The following PLA1A variants were observed in gnomAD, a reference collection of about 807,000 sequenced individuals.
PLA1A encodes the protein phosphatidylserine-specific phospholipase A1alpha.
PLA1A carries 47 observed loss-of-function variants against 49.4 expected under a neutral mutation model. The ratio of observed to expected loss-of-function variants is 0.95; its 90% CI spans 0.75 to 1.21. The LOEUF (loss-of-function observed/expected upper bound fraction) is 1.21. PLA1A is among the 50% of genes most tolerant of loss of function. PLA1A has a pLI of 0.00. For missense variants in PLA1A, 561 were observed against 563.9 expected, an observed-to-expected ratio of 0.99 and a Z score of 0.05; for synonymous variants, 224 against 207.9, an observed-to-expected ratio of 1.08 and a Z score of -0.67.
At chr3:119,625,047 C>A (rs1204053767) in intron 8 of PLA1A, 77 bp from the exon 9 acceptor site, 4 of 842,828 alleles carry the variant, frequency 4.7e-6, no homozygotes, top group Non-Finnish European at 8.1e-6. Context: ...TTCCCAACCA[C>A]ACTGCTGCTC....
In PLA1A at chr3:119,618,118, A is replaced by T; in HGVS notation, c.854A>T (p.Tyr285Phe). Reference sequence around the variant, plus strand: ...CTGATGGCCTTTCCCTGTGCCAGCTACAAGGCCTTCCTTGCTGGACGCTGT... The same window carrying T: ...CTGATGGCCTTTCCCTGTGCCAGCTTCAAGGCCTTCCTTGCTGGACGCTGT... ...CPLMAFPCAS[Y>F]KAFLAGRCLD... Residue 285 changes from tyrosine to phenylalanine, a missense_variant, in exon 7 of 11, where the codon TAC becomes TTC. Physicochemically the swap from Tyr to Phe is conservative, Grantham distance 22. Transcript: ENST00000273371. The T allele has an allele frequency of 6.2e-7, 1 of 1,614,084 alleles. No homozygotes were observed. The highest frequency in any genetic ancestry group is 8.5e-7 in the Non-Finnish European group (1 of 1,179,928).
At chr3:119,608,242 G>GAGAAAGA (rs2082717269) in intron 2 of PLA1A, among the ~76,000 whole-genome samples, 1 of 123,728 alleles carries the variant, frequency 8.1e-6, no homozygotes, top group Non-Finnish European at 1.7e-5. Context: ...GAAAGAAAGA[G>GAGAAAGA]AGAAAGAAAG....
intron 5 of PLA1A, among the ~76,000 whole-genome samples, 179 bp from the exon 6 acceptor site, chr3:119,615,833 A>G: frequency 7.0e-6 from 1 of 142,596 alleles, no homozygotes; most frequent in East Asian, 2.0e-4. Context: ...AGAAAAAAAA[A>G]AGAAAAAGAA....
At chr3:119,619,523 C>A in intron 7 of PLA1A, 40 bp from the exon 8 acceptor site, 1 of 1,408,988 alleles carries the variant, frequency 7.1e-7, no homozygotes. Flanking sequence ...CCTAAGATAG[C>A]CTTCTCAGGA....
chr3:119,605,983 G>A (rs1352669228), intron 1 of PLA1A, among the ~76,000 whole-genome samples: 1 of 152,228 alleles, frequency 6.6e-6, no homozygotes, highest in Non-Finnish European at 1.5e-5. Context: ...AGGACAAGAA[G>A]TGATTAGGTG....
At chr3:119,612,807 A>G (rs548141942) in intron 4 of PLA1A, among the ~76,000 whole-genome samples, 13 of 152,258 alleles carry the variant, frequency 8.5e-5, no homozygotes, top group African/African-American at 2.9e-4. Context: ...TCTTAGAGCC[A>G]GAGAAACTGG....
chr3:119,616,865 T>C (rs1262905908), intron 6 of PLA1A, among the ~76,000 whole-genome samples: 1 of 152,278 alleles, frequency 6.6e-6, no homozygotes, highest in Non-Finnish European at 1.5e-5. Context: ...TTTGGTGGCA[T>C]TTCAATTGAC....
Position 119,608,798 on chromosome 3 carries a change from G to T in PLA1A, c.304G>T (p.Asp102Tyr). The change falls in exon 3 of 11, where the codon GAC (aspartate) becomes TAC (tyrosine). Residue 102 changes from aspartate to tyrosine, a missense_variant. Transcript: ENST00000273371. ...TTTAGGAACAAAGCCTTCCTGGATT[G>T]ACACATTTATTAGAACCCTTCTGCG... Reference protein sequence around the residue: ...RVLGTKPSWIDTFIRTLLRAT... With the variant: ...RVLGTKPSWIYTFIRTLLRAT... The T allele has an allele frequency of 6.2e-7, 1 of 1,614,022 alleles. No homozygotes were observed. Among genetic ancestry groups the T allele is most frequent in the Non-Finnish European group, 8.5e-7 (1 of 1,179,914 alleles).
chr3:119,622,149 G>GGAGGAA (rs1382702046), intron 8 of PLA1A, among the ~76,000 whole-genome samples: 13 of 126,290 alleles, frequency 1.0e-4, no homozygotes, highest in African/African-American at 4.2e-4. Flanking sequence ...AGGAGGAGGA[G>GGAGGAA]GAAGAAGAAG....
At chr3:119,625,091 C>G in intron 8 of PLA1A, 33 bp from the exon 9 acceptor site, 2 of 1,423,626 alleles carry the variant, frequency 1.4e-6, no homozygotes, top group Non-Finnish European at 2.0e-6. Flanking sequence ...CTTCTGCCCT[C>G]TGGCCAGTCT....
chr3:119,617,128 A>G (rs1408047800), intron 6 of PLA1A, among the ~76,000 whole-genome samples: 2 of 152,340 alleles, frequency 1.3e-5, no homozygotes, highest in Non-Finnish European at 2.9e-5. Flanking sequence ...CAGCCAATTT[A>G]TCCAATGTTG....
At position 119,629,615 on chromosome 3, in the gene PLA1A, T is replaced by C; in HGVS notation, c.*147T>C. 1.7e-6 allele frequency: 1 copy of C among 598,380 alleles called. No individual in the cohort carries two copies. The highest frequency in any genetic ancestry group is 3.0e-6 in the Non-Finnish European group (1 of 335,946). The allele number at this position is 598,380 out of a possible 1,614,324, so 37.1% of individuals were successfully genotyped here. On this transcript the variant is annotated 3_prime_UTR_variant, in exon 11 of 11. Transcript: ENST00000273371. ...CTTTCTTATTTTCCTCATAATCAGC[T>C]ACCCTGGAGGGGAGGGAGAACTCAT...
intron 8 of PLA1A, among the ~76,000 whole-genome samples, chr3:119,624,079 G>A (rs1056557863): frequency 1.3e-5 from 2 of 152,168 alleles, no homozygotes; most frequent in Non-Finnish European, 2.9e-5. Flanking sequence ...CTATGACACA[G>A]TACCTGAGAC....
intron 1 of PLA1A, among the ~76,000 whole-genome samples, chr3:119,603,610 A>G (rs2082646165): frequency 6.6e-6 from 1 of 152,120 alleles, no homozygotes; most frequent in Non-Finnish European, 1.5e-5. Flanking sequence ...CCCCACCAAC[A>G]TTTGCATGTA....
rs2082791130 is a variant in PLA1A, at chr3:119,613,043, A to C, written c.589A>C (p.Thr197Pro). 6.2e-7 allele frequency: 1 copy of C among 1,604,872 alleles called. No homozygotes were observed. The highest frequency in any genetic ancestry group is 8.5e-7 in the Non-Finnish European group (1 of 1,175,234). ...CCTGGACCCCGCTGGACCTGAGTAC[A>C]CCAGGGCCAGTGTGGAAGAGCGCTT... ...TGLDPAGPEY[T>P]RASVEERLDA... Residue 197 changes from threonine to proline, a missense_variant, in exon 5 of 11, where the codon ACC becomes CCC. Coordinates refer to ENST00000273371, the MANE Select transcript of PLA1A (RefSeq NM_015900.4).
intron 9 of PLA1A, among the ~76,000 whole-genome samples, chr3:119,627,827 T>C (rs1462207449): frequency 6.6e-6 from 1 of 151,452 alleles, no homozygotes; most frequent in Non-Finnish European, 1.5e-5. Context: ...TGCCTTGCAC[T>C]CAGCGTGAAG....
At chr3:119,608,224 AAGAG>A (rs1393643729) in intron 2 of PLA1A, among the ~76,000 whole-genome samples, 3 of 36,450 alleles carry the variant, frequency 8.2e-5, no homozygotes, top group African/African-American at 3.4e-4. Context: ...GAAAGAAAGA[AAGAG>A]AGAGAAAGAA....
At chr3:119,626,848 C>A (rs2052544907) in intron 9 of PLA1A, among the ~76,000 whole-genome samples, 1 of 152,174 alleles carries the variant, frequency 6.6e-6, no homozygotes, top group Admixed American at 6.5e-5. Flanking sequence ...CAGAGCCTTG[C>A]AGATTGTGGC....
rs1471678221 is a variant in PLA1A, at chr3:119,597,983, TC to T, written c.71del (p.Ser24Ter). 6.2e-7 allele frequency: 1 copy of T among 1,602,362 alleles called. No individual in the cohort carries two copies. The highest frequency in any genetic ancestry group is 1.3e-5 in the African/African-American group (1 of 74,662). ...CATTTTGTGGCTCAGCGTTGGAAGT[TC>T]AGGTAAGCCAGGGCTCAGGCCTTGG... ...GLILWLSVGS[S>X]GDAPPTPQPK... On this transcript the variant is annotated frameshift_variant and splice_region_variant, in exon 1 of 11. Coordinates refer to ENST00000273371, the MANE Select transcript of PLA1A (RefSeq NM_015900.4). LOFTEE classifies it high-confidence loss of function.
Sources: allele counts gnomAD v4.1 joint callset (sites outside exome capture counted in the v4.1 genomes callset), GRCh38; gene constraint gnomAD v4.1.1; transcripts MANE v1.5; gene names NCBI Gene and HGNC (gene_info 2026-07-23, HGNC 2026-07-21).